CSMD2: variants seen among roughly 807,000 people sequenced by gnomAD.
CSMD2 encodes the protein CUB and Sushi multiple domains 2, also known as CUB and sushi domain-containing protein 2.
In CSMD2, 130 loss-of-function variants were observed where a neutral mutation model predicts 398.5. The observed-to-expected ratio is 0.33, with a 90% CI of 0.28 to 0.38. The LOEUF is 0.38. Ranked by LOEUF, CSMD2 falls within the 10% of genes least tolerant of loss-of-function variation. The probability of loss-of-function intolerance (pLI) is 1.00; values close to 1 mark genes in which losing one functional copy is unlikely to be tolerated. For synonymous variants in CSMD2, 1,828 were observed against 1,908.5 expected (o/e 0.96, Z 1.10); for missense variants, 3,829 against 4,764.9 (o/e 0.80, Z 5.78).
intron 26 of CSMD2, among the ~76,000 whole-genome samples, chr1:33,662,451 TTC>T (rs1260359021): frequency 6.6e-6 from 1 of 152,172 alleles, no homozygotes; most frequent in Non-Finnish European, 1.5e-5. Context: ...GGATGCCCTT[TTC>T]TCTCTTTTCC....
intron 19 of CSMD2, among the ~76,000 whole-genome samples, chr1:33,723,829 C>T (rs544991): frequency 0.39 from 59,165 of 152,104 alleles, 13,535 homozygotes; most frequent in African/African-American, 0.62. Context: ...AGGTGCCCAT[C>T]TGTTGAACGG....
chr1:33,604,914 G>A (rs898718870), intron 42 of CSMD2, among the ~76,000 whole-genome samples: 1 of 152,172 alleles, frequency 6.6e-6, no homozygotes, highest in African/African-American at 2.4e-5. Context: ...GCAGGTGCCT[G>A]GATTAACTCT....
rs569948942 is a variant in CSMD2 at position 34,147,528 on chromosome 1, C to T, written c.187+17383G>A. On this transcript the variant is annotated intron_variant, in intron 1 of 70. Transcript: ENST00000373381. ...GTGCCCTAGGCTGGAGCACCTCCCC[C>T]GGAGTGAGGAGGGTGTAAGCCAGGT... Among the ~76,000 whole-genome samples the T allele has an allele frequency of 6.6e-5, 10 of 152,002 alleles. No homozygotes were observed. The South Asian group carries it at 1.3e-3, about 19-fold the overall frequency.
rs201174665 is a variant in CSMD2 at position 33,605,367 on chromosome 1, C to T, written c.6447G>A (p.Pro2149=). 38 of 1,614,128 alleles carry T rather than the reference C, an allele frequency of 2.4e-5. No homozygotes were observed. The Admixed American group carries it at 3.2e-4, about 13-fold the overall frequency. The change falls in exon 42 of 71, where the codon CCG becomes CCA. Residue 2149 remains proline (P), a synonymous_variant. Coordinates refer to ENST00000373381, the MANE Select transcript of CSMD2 (RefSeq NM_001281956.2). The part of the protein sequence containing the change: ...VGQSVTFECL[P]GYQLTGHPVL... Reference sequence around the variant, plus strand: ...CAGGGTGGCCAGTCAATTGATACCCCGGGAGGCACTCGAAGGTCACTGATT... The same window carrying T: ...CAGGGTGGCCAGTCAATTGATACCCTGGGAGGCACTCGAAGGTCACTGATT...
In CSMD2 at chr1:33,624,653, G is replaced by C. The variant is rs1641986521; in HGVS notation, c.5501-10C>G. 6.2e-7 allele frequency: 1 copy of C among 1,610,066 alleles called. No individual in the cohort carries two copies. Among genetic ancestry groups the C allele is most frequent in the Non-Finnish European group, 8.5e-7 (1 of 1,177,116 alleles). On this transcript the variant is annotated splice_polypyrimidine_tract_variant and intron_variant, in intron 34 of 70. Coordinates refer to ENST00000373381, the MANE Select transcript of CSMD2 (RefSeq NM_001281956.2). The surrounding 1 kb of genome is among the most constrained non-coding windows in gnomAD (Gnocchi z 4.7). ...TTGCCTCCACACGGCACTGGGAGGA[G>C]AGGCCATCGGGTCAGAGGCTTTGTG... is the stretch of plus-strand genomic sequence containing the variant.
intron 44 of CSMD2, chr1:33,600,039 G>T (rs1640107692): frequency 3.2e-6 from 2 of 631,568 alleles, no homozygotes; most frequent in East Asian, 5.5e-5. Context: ...TTCTTCATTT[G>T]TAAAGTGGGG....
At chr1:33,884,885 A>G in intron 5 of CSMD2, 1 of 152,398 alleles carries the variant, frequency 6.6e-6, no homozygotes, top group Non-Finnish European at 1.5e-5. Context: ...AGCCCCACTG[A>G]AGACCATGCT....
chr1:33,813,956 C>T (rs1657160165), intron 9 of CSMD2: 1 of 152,734 alleles, frequency 6.5e-6, no homozygotes, highest in Non-Finnish European at 1.5e-5. Flanking sequence ...CCCTCCTATG[C>T]CACTGCCTCC....
chr1:33,857,223 G>A (rs528770248), intron 5 of CSMD2, among the ~76,000 whole-genome samples: 4 of 152,080 alleles, frequency 2.6e-5, no homozygotes, highest in Non-Finnish European at 5.9e-5. Context: ...TTTAAGTGAG[G>A]TGATGCATAT....
chr1:33,689,291 G>A (rs903201777), intron 25 of CSMD2, among the ~76,000 whole-genome samples: 1 of 152,194 alleles, frequency 6.6e-6, no homozygotes, highest in Non-Finnish European at 1.5e-5. Context: ...AAACTGGGAA[G>A]ACATCTTCTT....
At chr1:34,160,010 C>G (rs1346751136) in intron 1 of CSMD2, among the ~76,000 whole-genome samples, 1 of 152,202 alleles carries the variant, frequency 6.6e-6, no homozygotes, top group African/African-American at 2.4e-5. Flanking sequence ...AGCTGGGTCT[C>G]CAGCAAGGCT....
At chr1:33,698,168 A>T (rs544083109) in intron 24 of CSMD2, among the ~76,000 whole-genome samples, 6 of 152,362 alleles carry the variant, frequency 3.9e-5, no homozygotes, top group African/African-American at 1.4e-4. Context: ...CCTGTGACAC[A>T]TGTGTAAAGA....
chr1:33,772,720 G>T lies in CSMD2; in HGVS notation c.1695C>A (p.Gly565=). 1 of 1,613,998 alleles carries T rather than the reference G, an allele frequency of 6.2e-7. No individual in the cohort carries two copies. Residue 565 remains glycine (G), a synonymous_variant, in exon 13 of 71, where the codon GGC becomes GGA. Coordinates refer to ENST00000373381, the MANE Select transcript of CSMD2 (RefSeq NM_001281956.2). ...CTTCCCTCCGGCCATATGCAGGTAT[G>T]CCAGGGTCACCGCAACTGCCCTGCT... ...EIEQGSCGDP[G]IPAYGRREGS...
intron 21 of CSMD2, among the ~76,000 whole-genome samples, chr1:33,711,930 G>A (rs1242048408): frequency 2.0e-5 from 3 of 152,190 alleles, no homozygotes; most frequent in African/African-American, 2.4e-5. Context: ...GGGGACAGGA[G>A]GGATAGAGGG....
At chr1:33,951,878 C>A (rs564496995) in intron 3 of CSMD2, among the ~76,000 whole-genome samples, 1 of 152,372 alleles carries the variant, frequency 6.6e-6, no homozygotes, top group South Asian at 2.1e-4. Flanking sequence ...TGCCCTTTCA[C>A]GCCCCTTGGC....
chr1:33,879,431 T>A (rs771863651), intron 5 of CSMD2, among the ~76,000 whole-genome samples: 13 of 152,224 alleles, frequency 8.5e-5, no homozygotes, highest in Non-Finnish European at 1.6e-4. Context: ...TCTGGATGGA[T>A]GGACTTTGGG....
chr1:33,701,322 C>T (rs1645606429), intron 22 of CSMD2, among the ~76,000 whole-genome samples: 1 of 152,256 alleles, frequency 6.6e-6, no homozygotes, highest in Admixed American at 6.5e-5. Context: ...GTACAGGCAT[C>T]TGGCTTCCCT....
intron 37 of CSMD2, among the ~76,000 whole-genome samples, chr1:33,621,479 T>A (rs1240689135): frequency 6.6e-6 from 1 of 152,168 alleles, no homozygotes. Flanking sequence ...TTCCCAATCG[T>A]GGCAAAACCC....
intron 1 of CSMD2, among the ~76,000 whole-genome samples, chr1:34,125,505 G>GGC (rs1217476219): frequency 1.4e-5 from 2 of 138,716 alleles, no homozygotes; most frequent in Non-Finnish European, 3.1e-5. Flanking sequence ...CATCAACCTT[G>GGC]GCTGTGTGTG....
Sources: allele counts gnomAD v4.1 joint callset (sites outside exome capture counted in the v4.1 genomes callset), GRCh38; gene constraint gnomAD v4.1.1; non-coding constraint Gnocchi (gnomAD v3.1); transcripts MANE v1.5; gene names NCBI Gene and HGNC (gene_info 2026-07-23, HGNC 2026-07-21).